The following PTPRD variants were observed in gnomAD, a reference collection of about 807,000 sequenced individuals.
PTPRD encodes receptor-type tyrosine-protein phosphatase delta.
In PTPRD, 34 loss-of-function variants were observed where a neutral mutation model predicts 214.5. The ratio of observed to expected loss-of-function variants is 0.16; its 90% CI spans 0.12 to 0.21. The LOEUF (loss-of-function observed/expected upper bound fraction) is 0.21. Among genes scored for constraint, PTPRD ranks in the 10% least tolerant of loss-of-function variants. The pLI, the probability that PTPRD is intolerant of heterozygous loss-of-function variation, is 1.00. For synonymous variants in PTPRD, 1,128 were observed against 845.7 expected, an observed-to-expected ratio of 1.33 and a Z score of -5.79; for missense variants, 2,545 against 2,398.7, an observed-to-expected ratio of 1.06 and a Z score of -1.27.
chr9:9,767,392 A>G (rs1034133732), intron 5 of PTPRD, among the ~76,000 whole-genome samples: 2 of 152,110 alleles, frequency 1.3e-5, no homozygotes, highest in Non-Finnish European at 2.9e-5. Flanking sequence ...CACAGATAAT[A>G]GATTTAAATA....
chr9:10,328,642 A>T (rs2096691345), intron 3 of PTPRD, among the ~76,000 whole-genome samples: 1 of 151,802 alleles, frequency 6.6e-6, no homozygotes, highest in African/African-American at 2.4e-5. Flanking sequence ...AATGTTATGC[A>T]CCAAGAGAAA....
intron 7 of PTPRD, among the ~76,000 whole-genome samples, chr9:9,637,585 G>T (rs1189869116): frequency 6.6e-6 from 1 of 152,190 alleles, no homozygotes; most frequent in Non-Finnish European, 1.5e-5. Context: ...GCCTTGGGCA[G>T]CTCCCCGCAT....
At chr9:9,018,273 G>A (rs2099544754) in intron 11 of PTPRD, among the ~76,000 whole-genome samples, 1 of 152,074 alleles carries the variant, frequency 6.6e-6, no homozygotes, top group Admixed American at 6.6e-5. Context: ...TTGGGGAAAT[G>A]AATCAACTAC....
intron 24 of PTPRD, among the ~76,000 whole-genome samples, 171 bp downstream of exon 24, chr9:8,500,583 A>AAAAAAAAAAAAAAAAAG (rs1563868169): frequency 3.4e-5 from 5 of 146,316 alleles, no homozygotes; most frequent in African/African-American, 1.0e-4. Context: ...AAAAAAAAAA[A>AAAAAAAAAAAAAAAAAG]AAAAAAAGGC....
At chr9:9,503,780 C>T (rs2096496054) in intron 8 of PTPRD, among the ~76,000 whole-genome samples, 1 of 151,654 alleles carries the variant, frequency 6.6e-6, no homozygotes, top group South Asian at 2.1e-4. Context: ...TATGATTTTA[C>T]AAAGGCTCTC....
intron 3 of PTPRD, among the ~76,000 whole-genome samples, chr9:10,231,132 T>C (rs560751332): frequency 5.3e-5 from 8 of 152,104 alleles, no homozygotes; most frequent in African/African-American, 1.9e-4. Context: ...CCTATAAAGA[T>C]AAATTATAAA....
intron 2 of PTPRD, among the ~76,000 whole-genome samples, chr9:10,356,643 A>G (rs1337039315): frequency 1.3e-5 from 2 of 152,242 alleles, no homozygotes; most frequent in African/African-American, 4.8e-5. Flanking sequence ...GTGGTTTTCC[A>G]AACATTATGG....
chr9:9,817,366 G>A (rs938940811), intron 5 of PTPRD, among the ~76,000 whole-genome samples: 7 of 152,014 alleles, frequency 4.6e-5, no homozygotes. Context: ...CATTCCTGTA[G>A]GTCAGAGTAA....
At chr9:8,869,804 A>G (rs1010016562) in intron 11 of PTPRD, among the ~76,000 whole-genome samples, 2 of 151,778 alleles carry the variant, frequency 1.3e-5, no homozygotes, top group Non-Finnish European at 2.9e-5. Context: ...TGCTCTGCAC[A>G]GCTGGTTTAT....
intron 11 of PTPRD, among the ~76,000 whole-genome samples, chr9:8,767,724 G>C (rs1051657439): frequency 6.6e-6 from 1 of 152,048 alleles, no homozygotes; most frequent in African/African-American, 2.4e-5. Context: ...GGATGCTCAG[G>C]TCATACTCCA....
rs149668772 is a variant in PTPRD, at chr9:8,695,682, A to C, written c.64+38098T>G. Among the ~76,000 whole-genome samples the C allele has an allele frequency of 8.3e-4, 127 of 152,320 alleles. 1 individual carries two copies. The East Asian group carries it at 0.021, about 25-fold the overall frequency. Reference sequence around the variant, plus strand: ...ATCAAAGCTACTATAGCTGAACTTCATAGAATCACAAAATTCTAAGGCAGA... The same window carrying C: ...ATCAAAGCTACTATAGCTGAACTTCCTAGAATCACAAAATTCTAAGGCAGA... On this transcript the variant is annotated intron_variant, in intron 12 of 45. Transcript: ENST00000381196.
intron 5 of PTPRD, among the ~76,000 whole-genome samples, chr9:9,779,860 A>G (rs1240111283): frequency 6.6e-6 from 1 of 152,190 alleles, no homozygotes; most frequent in Admixed American, 6.5e-5. Flanking sequence ...GTTTCTCAAA[A>G]AACTTAAAAT....
chr9:9,691,078 G>T (rs1389392014), intron 7 of PTPRD, among the ~76,000 whole-genome samples: 1 of 151,870 alleles, frequency 6.6e-6, no homozygotes, highest in East Asian at 1.9e-4. Flanking sequence ...GTACAGGCAT[G>T]CAATGCATAA....
chr9:9,701,039 TAA>T (rs56157927), intron 7 of PTPRD, among the ~76,000 whole-genome samples: 47 of 140,420 alleles, frequency 3.3e-4, no homozygotes, highest in African/African-American at 3.1e-4. Context: ...ATCCTGAGAT[TAA>T]AAAAAAAAAA....
intron 3 of PTPRD, among the ~76,000 whole-genome samples, chr9:10,117,963 C>A (rs72694895): frequency 0.062 from 9,378 of 151,934 alleles, 369 homozygotes; most frequent in Admixed American, 0.1. Context: ...AACTATCTAC[C>A]AACCTGGAAC....
chr9:8,599,570 G>A (rs557257449), intron 14 of PTPRD, among the ~76,000 whole-genome samples: 1 of 150,180 alleles, frequency 6.7e-6, no homozygotes, highest in African/African-American at 2.5e-5. Flanking sequence ...AACGCAAGAT[G>A]GATGAGGGCT....
chr9:10,060,897 C>CTTCCTTCTTTCTTTCT (rs1555531626), intron 3 of PTPRD, among the ~76,000 whole-genome samples: 9 of 70,578 alleles, frequency 1.3e-4, no homozygotes, highest in East Asian at 9.8e-4. Context: ...TCCTTCCTTC[C>CTTCCTTCTTTCTTTCT]TTCTTTCTTT....
At chr9:8,363,921 A>G (rs540959543) in intron 39 of PTPRD, among the ~76,000 whole-genome samples, 1 of 152,350 alleles carries the variant, frequency 6.6e-6, no homozygotes, top group Admixed American at 6.5e-5. Flanking sequence ...GTCACTTTAT[A>G]CATTTCTGTA....
At chr9:10,173,176 AG>A (rs1328734210) in intron 3 of PTPRD, among the ~76,000 whole-genome samples, 1 of 152,160 alleles carries the variant, frequency 6.6e-6, no homozygotes, top group Non-Finnish European at 1.5e-5. Flanking sequence ...ACACTTGTGA[AG>A]GGGGGATTTA....
Sources: gnomAD v4.1 joint callset for allele counts (sites outside exome capture counted in the v4.1 genomes callset) on GRCh38, gnomAD v4.1.1 for gene constraint, MANE v1.5 for transcripts, NCBI Gene and HGNC (gene_info 2026-07-23, HGNC 2026-07-21) for gene names.